ATG10: variants seen among roughly 807,000 people sequenced by gnomAD.
ATG10 encodes ubiquitin-like-conjugating enzyme ATG10.
ATG10 carries 30 observed loss-of-function variants against 32.1 expected under a neutral mutation model. The observed-to-expected ratio is 0.94, with a 90% confidence interval of 0.70 to 1.27. The LOEUF is 1.27. Among genes scored for constraint, ATG10 ranks in the 50% most tolerant of loss-of-function variants. The pLI is 0.00. For missense variants in ATG10, 233 were observed against 262.3 expected, an observed-to-expected ratio of 0.89 and a Z score of 0.77; for synonymous variants, 87 against 91.5, an observed-to-expected ratio of 0.95 and a Z score of 0.28.
intron 5 of ATG10, among the ~76,000 whole-genome samples, chr5:82,237,458 A>C (rs1259712704): frequency 6.6e-6 from 1 of 152,088 alleles, no homozygotes; most frequent in Non-Finnish European, 1.5e-5. Context: ...AGCCTGACCA[A>C]CATGATGAAA....
At chr5:82,061,987 G>A (rs1175148472) in intron 3 of ATG10, among the ~76,000 whole-genome samples, 1 of 151,484 alleles carries the variant, frequency 6.6e-6, no homozygotes, top group African/African-American at 2.4e-5. Flanking sequence ...GCACCACCAT[G>A]CCTAGCTGAT....
At chr5:82,045,638 C>G (rs1263394947) in intron 2 of ATG10, among the ~76,000 whole-genome samples, 1 of 152,032 alleles carries the variant, frequency 6.6e-6, no homozygotes, top group Non-Finnish European at 1.5e-5. Flanking sequence ...GGAGGGAATT[C>G]AGTATAAGAG....
At chr5:82,237,088 G>T (rs536623833) in intron 5 of ATG10, among the ~76,000 whole-genome samples, 1 of 151,834 alleles carries the variant, frequency 6.6e-6, no homozygotes, top group Non-Finnish European at 1.5e-5. Flanking sequence ...AAAATTATTG[G>T]ATCATAAAGG....
chr5:82,195,083 G>A (rs1378889964), intron 5 of ATG10, among the ~76,000 whole-genome samples: 1 of 152,138 alleles, frequency 6.6e-6, no homozygotes, highest in African/African-American at 2.4e-5. Context: ...AACACTTCAA[G>A]CACTTTGCTT....
At chr5:82,108,783 C>T (rs1765519951) in intron 3 of ATG10, among the ~76,000 whole-genome samples, 1 of 151,870 alleles carries the variant, frequency 6.6e-6, no homozygotes, top group Non-Finnish European at 1.5e-5. Context: ...AGATAGCTCT[C>T]AAATTTTCAG....
At chr5:82,090,167 T>C (rs749861481) in intron 3 of ATG10, among the ~76,000 whole-genome samples, 1 of 152,070 alleles carries the variant, frequency 6.6e-6, no homozygotes, top group Non-Finnish European at 1.5e-5. Flanking sequence ...TTTGGGAATG[T>C]AAAATGATAT....
At chr5:82,119,070 A>G (rs1561307764) in intron 3 of ATG10, among the ~76,000 whole-genome samples, 2 of 152,216 alleles carry the variant, frequency 1.3e-5, no homozygotes, top group South Asian at 2.1e-4. Flanking sequence ...TTGATAGTCA[A>G]ATTACTTTAA....
intron 3 of ATG10, among the ~76,000 whole-genome samples, chr5:82,096,566 AAAG>A (rs889114340): frequency 1.3e-5 from 2 of 152,142 alleles, no homozygotes; most frequent in African/African-American, 2.4e-5. Flanking sequence ...TGAGGTATAG[AAAG>A]AAGGAGTCCA....
intron 5 of ATG10, among the ~76,000 whole-genome samples, chr5:82,221,666 A>C (rs1172580794): frequency 1.3e-5 from 2 of 152,236 alleles, no homozygotes; most frequent in Non-Finnish European, 2.9e-5. Context: ...TAGGACTCAA[A>C]AGCCACAATG....
At chr5:82,008,553 T>C (rs1416590890) in intron 2 of ATG10, among the ~76,000 whole-genome samples, 2 of 152,236 alleles carry the variant, frequency 1.3e-5, no homozygotes, top group Non-Finnish European at 2.9e-5. Flanking sequence ...AGGAAAGCTA[T>C]AATACTTCAC....
chr5:82,234,520 A>G (rs938227599), intron 5 of ATG10, among the ~76,000 whole-genome samples: 3 of 152,228 alleles, frequency 2.0e-5, no homozygotes, highest in Non-Finnish European at 4.4e-5. Flanking sequence ...GGACAGGTAG[A>G]GAGACATGCT....
At chr5:82,253,746 C>G (rs548848167) in intron 7 of ATG10, among the ~76,000 whole-genome samples, 1 of 152,274 alleles carries the variant, frequency 6.6e-6, no homozygotes, top group African/African-American at 2.4e-5. Flanking sequence ...AATGTGAACC[C>G]TATTGTGAAC....
At chr5:82,117,786 G>A (rs1005762953) in intron 3 of ATG10, among the ~76,000 whole-genome samples, 2 of 151,966 alleles carry the variant, frequency 1.3e-5, no homozygotes, top group Non-Finnish European at 2.9e-5. Context: ...CAGGGCACAG[G>A]GGATTGAGAG....
At chr5:82,076,986 G>A (rs1391272333) in intron 3 of ATG10, among the ~76,000 whole-genome samples, 2 of 152,168 alleles carry the variant, frequency 1.3e-5, no homozygotes, top group African/African-American at 2.4e-5. Flanking sequence ...AAGATTTGAG[G>A]TTTGGTAAAT....
intron 3 of ATG10, among the ~76,000 whole-genome samples, chr5:82,114,521 G>C (rs978461014): frequency 2.6e-5 from 4 of 151,926 alleles, no homozygotes; most frequent in African/African-American, 9.7e-5. Flanking sequence ...GCTATATTTT[G>C]AGTCAATTGA....
chr5:82,169,618 A>G (rs2149908414), intron 4 of ATG10, among the ~76,000 whole-genome samples: 1 of 152,300 alleles, frequency 6.6e-6, no homozygotes, highest in South Asian at 2.1e-4. Flanking sequence ...TAGAGTCTTA[A>G]TTGTAAAGAA....
rs1358585841 is a variant in ATG10, at chr5:82,036,317, G to A, written c.109-22178G>A. Among the ~76,000 whole-genome samples the A allele has an allele frequency of 2.0e-5, 3 of 152,138 alleles. No homozygotes were observed. In the South Asian group the frequency reaches 6.2e-4, roughly 32 times the overall value. ...TGTTTTAATTTTTATGAATGAGTCA[G>A]GCACAGTGGCGCATGCATGTAATCC... On this transcript the variant is annotated intron_variant, in intron 2 of 7. Transcript: ENST00000282185.
chr5:82,231,405 T>C (rs1463285729), intron 5 of ATG10, among the ~76,000 whole-genome samples: 1 of 152,236 alleles, frequency 6.6e-6, no homozygotes, highest in Non-Finnish European at 1.5e-5. Flanking sequence ...TCCATATGTA[T>C]CAGTTTATTT....
intron 5 of ATG10, among the ~76,000 whole-genome samples, chr5:82,209,847 A>G (rs941466781): frequency 2.0e-5 from 3 of 151,910 alleles, no homozygotes; most frequent in Admixed American, 2.0e-4. Context: ...ACCATATCTC[A>G]TATGTCTGCT....
Sources: gnomAD v4.1 joint callset for allele counts (sites outside exome capture counted in the v4.1 genomes callset) on GRCh38, gnomAD v4.1.1 for gene constraint, MANE v1.5 for transcripts, NCBI Gene and HGNC (gene_info 2026-07-23, HGNC 2026-07-21) for gene names.